GXYLT2: variants seen among roughly 807,000 people sequenced by gnomAD.
GXYLT2 encodes glucoside xylosyltransferase 2, also known as glycosyltransferase 8 domain containing 4.
A neutral mutation model predicts 45.8 loss-of-function variants in GXYLT2; 53 were observed. The observed-to-expected ratio is 1.16, with a 90% confidence interval of 0.93 to 1.46. GXYLT2 has a LOEUF of 1.46. GXYLT2 is among the 40% of genes most tolerant of loss of function. GXYLT2 has a pLI of 0.00. For synonymous variants in GXYLT2, 219 were observed against 214.2 expected, an observed-to-expected ratio of 1.02 and a Z score of -0.19; for missense variants, 551 against 544.4, an observed-to-expected ratio of 1.01 and a Z score of -0.12.
intron 5 of GXYLT2, among the ~76,000 whole-genome samples, chr3:72,962,740 A>G (rs1039642758): frequency 6.6e-5 from 10 of 152,198 alleles, no homozygotes; most frequent in African/African-American, 1.9e-4. Context: ...AAGAATAACT[A>G]GTTGTTCAAA....
At chr3:72,932,790 A>G (rs542577174) in intron 3 of GXYLT2, among the ~76,000 whole-genome samples, 1 of 152,368 alleles carries the variant, frequency 6.6e-6, no homozygotes, top group South Asian at 2.1e-4. Context: ...CCTTTAGAAA[A>G]TGTAATAGCC....
At position 72,939,376 on chromosome 3, in the gene GXYLT2, A is replaced by C. The variant is rs192703179; in HGVS notation, c.601-15722A>C. Among the ~76,000 whole-genome samples, 892 of 151,918 alleles carry C rather than the reference A, an allele frequency of 5.9e-3. 11 individuals carry two copies. Among genetic ancestry groups the C allele is most frequent in the African/African-American group, 0.021 (865 of 41,420 alleles). ...TTTGAACCCAGGAGGCAGAGGTTGC[A>C]GTGAGCCGAGATCACACCACTGCAC... is the stretch of plus-strand genomic sequence containing the variant. On this transcript the variant is annotated intron_variant, in intron 3 of 6. Transcript: ENST00000389617.
intron 3 of GXYLT2, among the ~76,000 whole-genome samples, chr3:72,952,337 G>C (rs373592415): frequency 3.9e-5 from 6 of 152,092 alleles, no homozygotes. Context: ...TGAAATGGTA[G>C]ATGATCAGTA....
chr3:72,967,094 A>G (rs989688466), intron 5 of GXYLT2, among the ~76,000 whole-genome samples: 2 of 152,196 alleles, frequency 1.3e-5, no homozygotes, highest in South Asian at 4.1e-4. Flanking sequence ...TTATTGAACC[A>G]CTACTGTATG....
chr3:72,921,190 A>AC (rs1246793982), intron 2 of GXYLT2, among the ~76,000 whole-genome samples: 1 of 152,044 alleles, frequency 6.6e-6, no homozygotes, highest in African/African-American at 2.4e-5. Flanking sequence ...AAAAAAAAAA[A>AC]AATTTATAGT....
intron 3 of GXYLT2, among the ~76,000 whole-genome samples, chr3:72,928,785 CAA>C: frequency 6.7e-6 from 1 of 150,320 alleles, no homozygotes; most frequent in Non-Finnish European, 1.5e-5. Context: ...GAAATAACTC[CAA>C]AAAAAAACCC....
At chr3:72,955,700 A>G (rs879489575) in intron 4 of GXYLT2, among the ~76,000 whole-genome samples, 1 of 152,190 alleles carries the variant, frequency 6.6e-6, no homozygotes, top group Non-Finnish European at 1.5e-5. Context: ...ATATTTGTAT[A>G]AGGATGTTCG....
chr3:72,899,633 C>G (rs974042423), intron 1 of GXYLT2, among the ~76,000 whole-genome samples: 4 of 152,172 alleles, frequency 2.6e-5, no homozygotes, highest in African/African-American at 4.8e-5. Context: ...AGTAGTAACT[C>G]TCAACTGCCA....
chr3:72,952,177 A>G (rs573922023), intron 3 of GXYLT2, among the ~76,000 whole-genome samples: 26 of 151,620 alleles, frequency 1.7e-4, no homozygotes, highest in Non-Finnish European at 3.4e-4. Flanking sequence ...TAATTTTTGT[A>G]TTTTTAGTAG....
rs529214895 is a variant in GXYLT2 at position 72,944,361 on chromosome 3, T to C, written c.601-10737T>C. Among the ~76,000 whole-genome samples the C allele has an allele frequency of 1.3e-4, 20 of 151,644 alleles. No homozygotes were observed. In the South Asian group the frequency reaches 3.6e-3, roughly 27 times the overall value. ...CCTCCAACTCCCAGGTTCAAGTGAT[T>C]CTCCTGCCTCAGCCTCCCGAGTAGC... On this transcript the variant is annotated intron_variant, in intron 3 of 6. Transcript: ENST00000389617.
chr3:72,893,404 TG>T (rs1709220217), intron 1 of GXYLT2, among the ~76,000 whole-genome samples: 2 of 152,228 alleles, frequency 1.3e-5, no homozygotes, highest in Non-Finnish European at 2.9e-5. Context: ...TATGCTCAAA[TG>T]TTTTCTCCTG....
intron 1 of GXYLT2, among the ~76,000 whole-genome samples, chr3:72,891,178 A>G (rs1047003218): frequency 6.6e-6 from 1 of 152,146 alleles, no homozygotes; most frequent in Non-Finnish European, 1.5e-5. Context: ...TTACATGGCT[A>G]GAATCCAGAA....
chr3:72,923,926 T>C lies in GXYLT2; in HGVS notation c.600+1591T>C, dbSNP rs148052808. Among the ~76,000 whole-genome samples the C allele has an allele frequency of 4.1e-3, 629 of 152,200 alleles. 8 individuals are homozygous for C. Among genetic ancestry groups the C allele is most frequent in the African/African-American group, 0.014 (592 of 41,522 alleles). On this transcript the variant is annotated intron_variant, in intron 3 of 6. Coordinates refer to ENST00000389617, the MANE Select transcript of GXYLT2 (RefSeq NM_001080393.2). ...GATTACAGGCATGAGCCACCATGCC[T>C]GTCCAGCAGTGGCATTTATGCAGAC...
chr3:72,888,312 G>A lies in GXYLT2; in HGVS notation c.79G>A (p.Ala27Thr). Reference protein sequence around the residue: ...ALLLALLSLRAGRAEPPALPA... With the variant: ...ALLLALLSLRTGRAEPPALPA... ...GCTGCTGGCGCTGCTGTCCCTGCGC[G>A]CTGGCCGCGCTGAGCCCCCAGCGCT... is the stretch of plus-strand genomic sequence containing the variant. Residue 27 changes from alanine to threonine, a missense_variant, in exon 1 of 7, where the codon GCT becomes ACT. Coordinates refer to ENST00000389617, the MANE Select transcript of GXYLT2 (RefSeq NM_001080393.2). 1.0e-6 allele frequency: 1 copy of A among 988,152 alleles called. No individual in the cohort carries two copies. The highest frequency in any genetic ancestry group is 1.2e-6 in the Non-Finnish European group (1 of 834,042). The allele number at this position is 988,152 out of a possible 1,614,324, so 61.2% of individuals were successfully genotyped here. A position where few individuals can be genotyped will look rare whatever the true frequency, so the allele number is the denominator to read the frequency against.
intron 1 of GXYLT2, among the ~76,000 whole-genome samples, chr3:72,902,425 AC>A (rs1170850566): frequency 1.3e-5 from 2 of 152,200 alleles, no homozygotes; most frequent in African/African-American, 2.4e-5. Context: ...CAAATCAAAC[AC>A]TAAGAACACT....
intron 3 of GXYLT2, among the ~76,000 whole-genome samples, chr3:72,943,358 G>T (rs1559743267): frequency 2.0e-5 from 3 of 151,496 alleles, no homozygotes; most frequent in Non-Finnish European, 2.9e-5. Context: ...TGCAGTAATG[G>T]TATCTGTATT....
At chr3:72,942,115 A>G (rs1385276671) in intron 3 of GXYLT2, among the ~76,000 whole-genome samples, 2 of 152,160 alleles carry the variant, frequency 1.3e-5, no homozygotes, top group Non-Finnish European at 2.9e-5. Context: ...GAGGGGGTTC[A>G]TATTGGAAGA....
At chr3:72,931,002 C>G (rs1459987716) in intron 3 of GXYLT2, among the ~76,000 whole-genome samples, 2 of 152,112 alleles carry the variant, frequency 1.3e-5, no homozygotes, top group Non-Finnish European at 2.9e-5. Flanking sequence ...GACACTCCAC[C>G]CAACACCAGT....
At chr3:72,956,035 G>A (rs1370634493) in intron 4 of GXYLT2, among the ~76,000 whole-genome samples, 1 of 152,160 alleles carries the variant, frequency 6.6e-6, no homozygotes, top group Admixed American at 6.6e-5. Flanking sequence ...CCAAGATCAC[G>A]CCACTGTACT....
Sources: gnomAD v4.1 joint callset for allele counts (sites outside exome capture counted in the v4.1 genomes callset) on GRCh38, gnomAD v4.1.1 for gene constraint, MANE v1.5 for transcripts, NCBI Gene and HGNC (gene_info 2026-07-23, HGNC 2026-07-21) for gene names.